GRID2: variants seen among roughly 807,000 people sequenced by gnomAD.
GRID2 encodes glutamate ionotropic receptor delta type subunit 2.
A neutral mutation model predicts 114.8 loss-of-function variants in GRID2; 33 were observed. The ratio of observed to expected loss-of-function variants is 0.29; its 90% CI spans 0.22 to 0.38. GRID2 has a LOEUF of 0.38. Ranked by LOEUF, GRID2 falls within the 10% of genes least tolerant of loss-of-function variation. GRID2 has a pLI of 1.00. For missense variants in GRID2, 1,184 were observed against 1,257.7 expected (o/e 0.94, Z 0.89); for synonymous variants, 505 against 449.9 (o/e 1.12, Z -1.55).
At chr4:93,245,433 A>T (rs1748094319) in intron 8 of GRID2, among the ~76,000 whole-genome samples, 1 of 152,200 alleles carries the variant, frequency 6.6e-6, no homozygotes, top group Non-Finnish European at 1.5e-5. Flanking sequence ...AGTATAAACA[A>T]TAATTTTAAT....
intron 8 of GRID2, among the ~76,000 whole-genome samples, chr4:93,340,096 C>T (rs1269547753): frequency 6.6e-6 from 1 of 152,066 alleles, no homozygotes; most frequent in Non-Finnish European, 1.5e-5. Context: ...TTGCAGTTTC[C>T]CAAAGGTGTG....
chr4:93,760,398 G>A (rs1016991350), intron 14 of GRID2, among the ~76,000 whole-genome samples: 22 of 152,152 alleles, frequency 1.4e-4, no homozygotes, highest in Admixed American at 1.4e-3. Flanking sequence ...AGATCTGACC[G>A]ATTAAGTACT....
intron 1 of GRID2, among the ~76,000 whole-genome samples, chr4:92,565,933 T>A (rs1191368814): frequency 1.3e-5 from 2 of 152,044 alleles, no homozygotes. Flanking sequence ...AGTCTGGCAC[T>A]GTGTGGTTCT....
At chr4:92,826,234 T>G (rs1416955938) in intron 2 of GRID2, among the ~76,000 whole-genome samples, 1 of 152,094 alleles carries the variant, frequency 6.6e-6, no homozygotes, top group Non-Finnish European at 1.5e-5. Context: ...TGCATCCAAC[T>G]TAGGGTCTTT....
At chr4:92,990,257 GTATA>G (rs1222824712) in intron 2 of GRID2, among the ~76,000 whole-genome samples, 1 of 129,788 alleles carries the variant, frequency 7.7e-6, no homozygotes, top group Non-Finnish European at 1.7e-5. Context: ...TGTGATATAT[GTATA>G]TATATATGTA....
Position 93,577,572 on chromosome 4 carries a change from A to G in GRID2, c.2194-48697A>G, listed in dbSNP as rs1175476038. Among the ~76,000 whole-genome samples the G allele has an allele frequency of 3.3e-5, 5 of 152,224 alleles. No individual in the cohort carries two copies. In the South Asian group the frequency reaches 8.3e-4, roughly 25 times the overall value. On this transcript the variant is annotated intron_variant, in intron 13 of 15. Transcript: ENST00000282020. ...GTTTGCCAATTTTTTGGAGGAAAAG[A>G]TTACATATTTTGGTGCATATTTATT...
intron 8 of GRID2, among the ~76,000 whole-genome samples, chr4:93,312,265 T>C (rs1402388116): frequency 6.6e-6 from 1 of 152,186 alleles, no homozygotes. Flanking sequence ...TATCATTGCA[T>C]AATTAGTATG....
chr4:92,947,979 T>C (rs564201466), intron 2 of GRID2, among the ~76,000 whole-genome samples: 5 of 152,026 alleles, frequency 3.3e-5, no homozygotes, highest in Admixed American at 3.3e-4. Context: ...ATTATTTTTA[T>C]TGTGTCATAT....
chr4:93,227,025 G>C (rs1487874085), intron 7 of GRID2, among the ~76,000 whole-genome samples: 1 of 152,140 alleles, frequency 6.6e-6, no homozygotes, highest in Non-Finnish European at 1.5e-5. Context: ...GCCCTGGACA[G>C]GGAGCCCATG....
At chr4:92,714,646 G>C (rs1474516488) in intron 2 of GRID2, among the ~76,000 whole-genome samples, 3 of 152,160 alleles carry the variant, frequency 2.0e-5, no homozygotes, top group African/African-American at 4.8e-5. Flanking sequence ...CTCAGTTCTT[G>C]ACTTCTATGC....
chr4:93,023,125 GTA>G (rs374988503), intron 2 of GRID2, among the ~76,000 whole-genome samples: 20 of 147,140 alleles, frequency 1.4e-4, no homozygotes, highest in African/African-American at 4.8e-4. Context: ...GTGTGTGTGT[GTA>G]TGTATGTGTG....
At chr4:92,675,249 C>G (rs1475994658) in intron 2 of GRID2, among the ~76,000 whole-genome samples, 2 of 152,140 alleles carry the variant, frequency 1.3e-5, no homozygotes, top group Middle Eastern at 3.2e-3. Flanking sequence ...ATCAGAACTC[C>G]ACTGTTCCTC....
At chr4:93,376,841 G>T (rs1040657437) in intron 8 of GRID2, among the ~76,000 whole-genome samples, 1 of 152,150 alleles carries the variant, frequency 6.6e-6, no homozygotes, top group Admixed American at 6.6e-5. Context: ...CAGAGAGGGA[G>T]AGCATTAGGA....
intron 4 of GRID2, among the ~76,000 whole-genome samples, chr4:93,133,849 G>C (rs1423792401): frequency 6.6e-6 from 1 of 152,108 alleles, no homozygotes; most frequent in Non-Finnish European, 1.5e-5. Flanking sequence ...CTGTATTTCA[G>C]TTTAATTCTT....
rs1038234712 is a variant in GRID2, at chr4:92,579,992, T to C, written c.89-10139T>C. ...ATATTTTATATATGTATATGTATTT[T>C]ACATATATATTTTATATATAGTATA... On this transcript the variant is annotated intron_variant, in intron 1 of 15. Transcript: ENST00000282020. Among the ~76,000 whole-genome samples, 305 of 133,296 alleles carry C rather than the reference T, an allele frequency of 2.3e-3. 1 individual carries two copies. The highest frequency in any genetic ancestry group is 7.8e-3 in the African/African-American group (301 of 38,790). 87.4% of individuals were successfully genotyped at this position (133,296 alleles called of 152,430 possible). A position where few individuals can be genotyped will look rare whatever the true frequency, so the allele number is the denominator to read the frequency against.
intron 7 of GRID2, among the ~76,000 whole-genome samples, chr4:93,233,032 A>G (rs1746324515): frequency 6.6e-6 from 1 of 152,194 alleles, no homozygotes; most frequent in African/African-American, 2.4e-5. Context: ...TGAGAGTGAT[A>G]GATAAGTGGA....
At chr4:93,169,963 A>G (rs1364974310) in intron 4 of GRID2, among the ~76,000 whole-genome samples, 2 of 152,236 alleles carry the variant, frequency 1.3e-5, no homozygotes, top group African/African-American at 2.4e-5. Context: ...AAGCTGTACA[A>G]TAACACAGGT....
At chr4:92,877,070 A>G in intron 2 of GRID2, among the ~76,000 whole-genome samples, 1 of 152,342 alleles carries the variant, frequency 6.6e-6, no homozygotes, top group South Asian at 2.1e-4. Context: ...TATAAGAAAC[A>G]AAACAAATTT....
chr4:92,470,181 A>G (rs1017226502), intron 1 of GRID2, among the ~76,000 whole-genome samples: 2 of 151,912 alleles, frequency 1.3e-5, no homozygotes, highest in Non-Finnish European at 2.9e-5. Context: ...TGGAAATTCT[A>G]CAGCTCCATA....
Sources: allele counts gnomAD v4.1 joint callset (sites outside exome capture counted in the v4.1 genomes callset), GRCh38; gene constraint gnomAD v4.1.1; transcripts MANE v1.5; gene names NCBI Gene and HGNC (gene_info 2026-07-23, HGNC 2026-07-21).